PIK3C2G: variants seen among roughly 807,000 people sequenced by gnomAD.
PIK3C2G encodes the protein phosphatidylinositol 3-kinase C2 domain-containing subunit gamma.
Under a neutral mutation model 181.1 loss-of-function variants are expected in PIK3C2G, and 168 were observed. The ratio of observed to expected loss-of-function variants is 0.93; its 90% CI spans 0.82 to 1.05. PIK3C2G has a LOEUF of 1.05. Among genes scored for constraint, PIK3C2G ranks in the 50% least tolerant of loss-of-function variants. The pLI, the probability that PIK3C2G is intolerant of heterozygous loss-of-function variation, is 0.00. For missense variants in PIK3C2G, 1,869 were observed against 1,732.8 expected (o/e 1.08, Z -1.40); for synonymous variants, 573 against 592.2 (o/e 0.97, Z 0.47).
intron 31 of PIK3C2G, among the ~76,000 whole-genome samples, chr12:18,636,421 G>A (rs1591730256): frequency 6.6e-6 from 1 of 152,004 alleles, no homozygotes; most frequent in African/African-American, 2.4e-5. Flanking sequence ...AGTAGAGATG[G>A]GGTTTCTCCA....
At chr12:18,641,995 C>A (rs1026424569) in intron 32 of PIK3C2G, among the ~76,000 whole-genome samples, 1 of 152,116 alleles carries the variant, frequency 6.6e-6, no homozygotes, top group Non-Finnish European at 1.5e-5. Context: ...GGTGATCCAC[C>A]GCCTCAGCCT....
intron 24 of PIK3C2G, among the ~76,000 whole-genome samples, chr12:18,513,674 T>C (rs1047895274): frequency 6.6e-6 from 1 of 151,798 alleles, no homozygotes; most frequent in Non-Finnish European, 1.5e-5. Context: ...TTTATTTGAA[T>C]AGTCTTTCTT....
chr12:18,684,060 A>G, the PIK3C2G span: 6 of 1,548,012 alleles, frequency 3.9e-6, no homozygotes, highest in Admixed American at 1.0e-4. Context: ...TGGTATGTCA[A>G]AATGTGTCTT....
At chr12:18,543,124 C>A (rs963254585) in intron 25 of PIK3C2G, among the ~76,000 whole-genome samples, 1 of 149,666 alleles carries the variant, frequency 6.7e-6, no homozygotes, top group African/African-American at 2.5e-5. Flanking sequence ...TTTTGATTTG[C>A]ATTTCTCTAG....
At chr12:18,249,703 T>C (rs897334054) in intron 1 of PIK3C2G, among the ~76,000 whole-genome samples, 3 of 152,096 alleles carry the variant, frequency 2.0e-5, no homozygotes, top group African/African-American at 2.4e-5. Flanking sequence ...ATTTGAACAG[T>C]ATATATCTAC....
chr12:18,664,210 T>G, the PIK3C2G span, among the ~76,000 whole-genome samples: 1 of 152,182 alleles, frequency 6.6e-6, no homozygotes, highest in Non-Finnish European at 1.5e-5. Flanking sequence ...GGGACACAGT[T>G]TGGTGGTTCC....
At chr12:18,268,385 ATTG>A (rs1311373090) in intron 1 of PIK3C2G, among the ~76,000 whole-genome samples, 2 of 147,860 alleles carry the variant, frequency 1.4e-5, no homozygotes, top group Admixed American at 1.3e-4. Flanking sequence ...CTTGATTTTT[ATTG>A]TTATTATTAT....
chr12:18,488,422 G>C (rs1292613010), intron 18 of PIK3C2G, 27 bp from the exon 19 acceptor site: 4 of 1,450,726 alleles, frequency 2.8e-6, no homozygotes, highest in Non-Finnish European at 3.7e-6. Flanking sequence ...TTACATACAA[G>C]AATTTTTTTC....
At chr12:18,566,901 G>A in intron 28 of PIK3C2G, 48 bp from the exon 29 acceptor site, 1 of 903,638 alleles carries the variant, frequency 1.1e-6, no homozygotes, top group Non-Finnish European at 1.9e-6. Flanking sequence ...AAGATGAAAA[G>A]GCCAGTTTTC....
intron 8 of PIK3C2G, among the ~76,000 whole-genome samples, chr12:18,337,833 T>A (rs949736605): frequency 1.3e-5 from 2 of 152,154 alleles, no homozygotes; most frequent in Admixed American, 6.5e-5. Flanking sequence ...AGATTATATT[T>A]GTCATCAGCG....
intron 31 of PIK3C2G, among the ~76,000 whole-genome samples, chr12:18,631,087 G>A (rs939406230): frequency 6.6e-6 from 1 of 152,106 alleles, no homozygotes; most frequent in Non-Finnish European, 1.5e-5. Context: ...AAGGGCAAAG[G>A]ATGAAATGAG....
intron 29 of PIK3C2G, among the ~76,000 whole-genome samples, chr12:18,585,464 A>C (rs761437700): frequency 3.3e-5 from 5 of 152,196 alleles, no homozygotes; most frequent in Non-Finnish European, 7.3e-5. Context: ...GGCATTACAT[A>C]ATGGTAAAGC....
chr12:18,725,487 A>G, the PIK3C2G span, among the ~76,000 whole-genome samples: 1 of 152,242 alleles, frequency 6.6e-6, no homozygotes, highest in East Asian at 1.9e-4. Context: ...GCTGGAAGAA[A>G]AAAAGTCAGT....
At chr12:18,413,074 AC>A (rs1421621832) in intron 16 of PIK3C2G, among the ~76,000 whole-genome samples, 1 of 151,894 alleles carries the variant, frequency 6.6e-6, no homozygotes, top group Non-Finnish European at 1.5e-5. Context: ...CTTTTTATTA[AC>A]CCTTACAATC....
At chr12:18,302,265 C>T (rs974941185) in intron 5 of PIK3C2G, among the ~76,000 whole-genome samples, 6 of 152,132 alleles carry the variant, frequency 3.9e-5, no homozygotes, top group Admixed American at 2.0e-4. Context: ...CCTGGCAGTG[C>T]GCCTACAATC....
At chr12:18,265,633 G>C (rs1275302429) in intron 1 of PIK3C2G, among the ~76,000 whole-genome samples, 1 of 152,050 alleles carries the variant, frequency 6.6e-6, no homozygotes, top group Non-Finnish European at 1.5e-5. Context: ...CTCTGTGTGT[G>C]TGTCTGTGTA....
chr12:18,726,398 C>T, the PIK3C2G span, among the ~76,000 whole-genome samples: 1 of 152,280 alleles, frequency 6.6e-6, no homozygotes, highest in East Asian at 1.9e-4. Context: ...ACAATTCATT[C>T]AATGTCTTGT....
At chr12:18,366,235 A>C (rs578018625) in intron 12 of PIK3C2G, among the ~76,000 whole-genome samples, 2 of 152,302 alleles carry the variant, frequency 1.3e-5, no homozygotes, top group East Asian at 3.9e-4. Flanking sequence ...CAGTATTAAT[A>C]GGAGAGTTCT....
At chr12:18,661,117 C>T in the PIK3C2G span, among the ~76,000 whole-genome samples, 9 of 151,838 alleles carry the variant, frequency 5.9e-5, no homozygotes, top group Non-Finnish European at 1.2e-4. Flanking sequence ...TGGGGAATAG[C>T]AATAAAGATT....
Sources: allele counts gnomAD v4.1 joint callset (sites outside exome capture counted in the v4.1 genomes callset), GRCh38; gene constraint gnomAD v4.1.1; transcripts MANE v1.5; gene names NCBI Gene and HGNC (gene_info 2026-07-23, HGNC 2026-07-21).